BRWD3: variants seen among roughly 807,000 people sequenced by gnomAD.
The protein encoded by BRWD3 is bromodomain and WD repeat-containing protein 3.
BRWD3 carries 10 observed loss-of-function variants against 149.7 expected under a neutral mutation model. That is an observed-to-expected ratio of 0.07 (90% CI 0.04 to 0.11). The LOEUF is 0.11. Ranked by LOEUF, BRWD3 falls within the 10% of genes least tolerant of loss-of-function variation. The pLI is 1.00. For synonymous variants in BRWD3, 504 were observed against 456.7 expected (o/e 1.10, Z -1.32); for missense variants, 940 against 1,373.2 (o/e 0.68, Z 4.99).
Position 80,681,969 on chromosome X carries a change from G to A in BRWD3, c.4495+28C>T, listed in dbSNP as rs765449174. The A allele has an allele frequency of 1.8e-5, 20 of 1,122,941 alleles. No individual in the cohort carries two copies. In the East Asian group the frequency reaches 2.7e-4, roughly 15 times the overall value. 92.5% of individuals were successfully genotyped at this position (1,122,941 alleles called of 1,213,427 possible). ...AATATCAGAATTAAACCGAGATGCAGAACACCAAAAACAAAAGACATATTT... is the reference window on the plus strand; with the variant it reads ...AATATCAGAATTAAACCGAGATGCAAAACACCAAAAACAAAAGACATATTT... On this transcript the variant is annotated intron_variant, in intron 39 of 40. Coordinates refer to ENST00000373275, the MANE Select transcript of BRWD3 (RefSeq NM_153252.5).
In BRWD3 at chrX:80,670,983, A is replaced by T. The variant is rs2072318873; in HGVS notation, c.*5626T>A. On this transcript the variant is annotated 3_prime_UTR_variant, in exon 41 of 41. Coordinates refer to ENST00000373275, the MANE Select transcript of BRWD3 (RefSeq NM_153252.5). ...AGTGGAATGTTTGCCACTGGGAGAC[A>T]AATTCTGGGTAACTATATAGTTATG... 9.0e-6 allele frequency: 1 copy of T among 111,143 alleles called. No individual in the cohort carries two copies. The highest frequency in any genetic ancestry group is 3.8e-4 in the South Asian group (1 of 2,629). 9.2% of individuals were successfully genotyped at this position (111,143 alleles called of 1,213,427 possible).
intron 15 of BRWD3, 128 bp from the exon 16 acceptor site, chrX:80,724,004 C>T: frequency 1.3e-6 from 1 of 786,509 alleles, no homozygotes; most frequent in Non-Finnish European, 1.9e-6. Flanking sequence ...TCTCTGGCTT[C>T]TGCAGCCAGA....
intron 6 of BRWD3, among the ~76,000 whole-genome samples, chrX:80,748,242 A>G (rs1474586773): frequency 9.0e-6 from 1 of 111,608 alleles, no homozygotes; most frequent in Non-Finnish European, 1.9e-5. Context: ...ATGATCACAC[A>G]GGTTTGGTGA....
intron 6 of BRWD3, among the ~76,000 whole-genome samples, chrX:80,778,878 A>C (rs1208729471): frequency 9.0e-6 from 1 of 111,443 alleles, no homozygotes; most frequent in Non-Finnish European, 1.9e-5. Flanking sequence ...GCACACCTGT[A>C]ATCCCAGCTA....
chrX:80,723,758 T>C lies in BRWD3; in HGVS notation c.1640A>G (p.Tyr547Cys), dbSNP rs753780561. The C allele has an allele frequency of 3.3e-6, 4 of 1,210,971 alleles. No homozygotes were observed. Among genetic ancestry groups the C allele is most frequent in the Non-Finnish European group, 4.5e-6 (4 of 894,605 alleles). ...LLLFGFGCSK[Y>C]YEKIPDQMFF... ...TTTAAATATGCTAACCTTTTCGTAGTATTTACTGCATCCAAAACCAAAAAG... is the reference window on the plus strand; with the variant it reads ...TTTAAATATGCTAACCTTTTCGTAGCATTTACTGCATCCAAAACCAAAAAG... The change falls in exon 16 of 41, where the codon TAC (tyrosine) becomes TGC (cysteine). Residue 547 changes from tyrosine (Y) to cysteine (C), a missense_variant. Around this residue, in one of 6 missense-constraint regions of BRWD3, gnomAD observed 209 missense variants for 396.8 expected, o/e 0.53. Transcript: ENST00000373275.
intron 6 of BRWD3, among the ~76,000 whole-genome samples, chrX:80,759,844 T>A (rs2073784252): frequency 9.0e-6 from 1 of 111,261 alleles, no homozygotes; most frequent in Non-Finnish European, 1.9e-5. Flanking sequence ...TATTAGGAAA[T>A]CATCATCCAT....
At chrX:80,695,803 T>A in intron 27 of BRWD3, 105 bp downstream of exon 27, 1 of 681,037 alleles carries the variant, frequency 1.5e-6, no homozygotes, top group Non-Finnish European at 2.2e-6. Flanking sequence ...TCTGGTAGCT[T>A]TTTTCAGCTA....
intron 4 of BRWD3, among the ~76,000 whole-genome samples, chrX:80,798,247 C>T (rs187027616): frequency 1.8e-3 from 206 of 111,447 alleles, no homozygotes; most frequent in African/African-American, 6.3e-3. Context: ...CAAACTATAT[C>T]GATGTAGTTC....
Position 80,729,925 on chromosome X carries a change from T to C in BRWD3, c.1223A>G (p.Lys408Arg). Reference protein sequence around the residue: ...WKSIVLDMATKMTGNNLPSGE... With the variant: ...WKSIVLDMATRMTGNNLPSGE... ...TAACATATATTCTTACCCAGTCATT[T>C]TAGTAGCCATGTCTAGCACTATACT... The change falls in exon 13 of 41, where the codon AAA becomes AGA. Residue 408 changes from lysine to arginine, a missense_variant. Coordinates refer to ENST00000373275, the MANE Select transcript of BRWD3 (RefSeq NM_153252.5). 1.7e-6 allele frequency: 2 copies of C among 1,184,344 alleles called. No homozygotes were observed. The highest frequency in any genetic ancestry group is 3.5e-5 in the African/African-American group (2 of 57,282).
At chrX:80,742,268 A>G (rs1359025027) in intron 8 of BRWD3, among the ~76,000 whole-genome samples, 2 of 110,348 alleles carry the variant, frequency 1.8e-5, no homozygotes, top group Non-Finnish European at 3.8e-5. Flanking sequence ...CCATTGGTCT[A>G]TATTTCTGTT....
At chrX:80,686,760 G>T in intron 35 of BRWD3, 103 bp downstream of exon 35, 1 of 858,071 alleles carries the variant, frequency 1.2e-6, no homozygotes, top group South Asian at 2.3e-5. Flanking sequence ...TGGAAAAAAA[G>T]AAAGGAAAGG....
intron 6 of BRWD3, among the ~76,000 whole-genome samples, chrX:80,775,288 C>G (rs1315883013): frequency 9.0e-6 from 1 of 111,723 alleles, no homozygotes. Flanking sequence ...TGGGCCCCTA[C>G]CTCCCTTTCC....
intron 6 of BRWD3, among the ~76,000 whole-genome samples, chrX:80,750,954 T>G (rs2073658792): frequency 9.1e-6 from 1 of 110,409 alleles, no homozygotes; most frequent in Non-Finnish European, 1.9e-5. Context: ...CACAACAACT[T>G]GGATGAAATT....
intron 6 of BRWD3, among the ~76,000 whole-genome samples, chrX:80,756,786 C>T (rs1487978500): frequency 1.8e-5 from 2 of 111,477 alleles, no homozygotes; most frequent in African/African-American, 3.3e-5. Context: ...ATGCTCCAAA[C>T]CATTTTTCCT....
intron 4 of BRWD3, among the ~76,000 whole-genome samples, chrX:80,807,706 G>A (rs1261478419): frequency 2.7e-5 from 3 of 111,774 alleles, no homozygotes; most frequent in Non-Finnish European, 5.6e-5. Context: ...ATATTTGCAG[G>A]AGAAACAACA....
At chrX:80,807,459 G>A (rs747594729) in intron 4 of BRWD3, among the ~76,000 whole-genome samples, 3 of 111,965 alleles carry the variant, frequency 2.7e-5, no homozygotes, top group Non-Finnish European at 5.6e-5. Flanking sequence ...TTTATATTTA[G>A]AGTCTATCAT....
rs2072360512 is a variant in BRWD3 at position 80,675,936 on chromosome X, C to T, written c.*673G>A. ...CATATTTACAAGGCACCAACCCTTT[C>T]TCACCTTTAACGTGAATTATGCAAA... On this transcript the variant is annotated 3_prime_UTR_variant, in exon 41 of 41. Coordinates refer to ENST00000373275, the MANE Select transcript of BRWD3 (RefSeq NM_153252.5). 8.9e-6 allele frequency: 1 copy of T among 111,854 alleles called. No homozygotes were observed. The highest frequency in any genetic ancestry group is 3.3e-5 in the African/African-American group (1 of 30,565). 9.2% of individuals were successfully genotyped at this position (111,854 alleles called of 1,213,427 possible).
intron 33 of BRWD3, 23 bp downstream of exon 33, chrX:80,689,745 A>G: frequency 8.7e-7 from 1 of 1,148,445 alleles, no homozygotes; most frequent in Non-Finnish European, 1.2e-6. Context: ...ACTCATTCCT[A>G]CTAATCATGC....
At chrX:80,706,937 A>T (rs1330425060) in intron 22 of BRWD3, among the ~76,000 whole-genome samples, 1 of 112,761 alleles carries the variant, frequency 8.9e-6, no homozygotes, top group African/African-American at 3.2e-5. Flanking sequence ...CCAGTAACAT[A>T]GTTGTTTATT....
Sources: allele counts gnomAD v4.1 joint callset (sites outside exome capture counted in the v4.1 genomes callset), GRCh38; gene constraint gnomAD v4.1.1; regional missense constraint gnomAD v4.1.1; transcripts MANE v1.5; gene names NCBI Gene and HGNC (gene_info 2026-07-23, HGNC 2026-07-21).